PPP2R2C: variants seen among roughly 807,000 people sequenced by gnomAD.
PPP2R2C encodes the protein protein phosphatase 2 regulatory subunit Bgamma.
PPP2R2C carries 10 observed loss-of-function variants against 45.3 expected under a neutral mutation model. The ratio of observed to expected loss-of-function variants is 0.22; its 90% CI spans 0.14 to 0.37. PPP2R2C has a LOEUF of 0.37. Ranked by LOEUF, PPP2R2C falls within the 10% of genes least tolerant of loss-of-function variation. The pLI, the probability that PPP2R2C is intolerant of heterozygous loss-of-function variation, is 1.00. For missense variants in PPP2R2C, 308 were observed against 619.7 expected (o/e 0.50, Z 5.34); for synonymous variants, 257 against 245.4 (o/e 1.05, Z -0.44).
chr4:6,398,932 C>T (rs1577147008), intron 1 of PPP2R2C, among the ~76,000 whole-genome samples: 1 of 152,330 alleles, frequency 6.6e-6, no homozygotes, highest in Non-Finnish European at 1.5e-5. Context: ...ATCATTGACA[C>T]ACACAGCAAC....
At chr4:6,357,266 C>T (rs554162702) in intron 5 of PPP2R2C, among the ~76,000 whole-genome samples, 1 of 152,380 alleles carries the variant, frequency 6.6e-6, no homozygotes, top group Admixed American at 6.5e-5. Flanking sequence ...GAGGGGCTGT[C>T]AGGTCCCTGG....
At chr4:6,476,233 G>GA (rs1478841782), upstream of PPP2R2C, among the ~76,000 whole-genome samples, 2 of 152,200 alleles carry the variant, frequency 1.3e-5, no homozygotes, top group African/African-American at 4.8e-5. Flanking sequence ...ACCAAGTCAG[G>GA]AAAGGGCGCT....
At chr4:6,429,442 T>C (rs1264094835) in intron 1 of PPP2R2C, among the ~76,000 whole-genome samples, 1 of 152,144 alleles carries the variant, frequency 6.6e-6, no homozygotes, top group Non-Finnish European at 1.5e-5. Flanking sequence ...TTTTAAGACT[T>C]TGAAAAATAA....
intron 1 of PPP2R2C, among the ~76,000 whole-genome samples, chr4:6,447,992 T>C (rs1720523144): frequency 6.6e-6 from 1 of 152,088 alleles, no homozygotes; most frequent in Non-Finnish European, 1.5e-5. Context: ...CTGGGCCCTT[T>C]TTCAGGAAGC....
intron 1 of PPP2R2C, among the ~76,000 whole-genome samples, chr4:6,441,045 A>G (rs1032174062): frequency 1.3e-5 from 2 of 152,130 alleles, no homozygotes; most frequent in African/African-American, 4.8e-5. Context: ...TATTTATACC[A>G]CTGCACCTGT....
rs936023764 is a variant in PPP2R2C, at chr4:6,331,173, C to T, written c.961-1820G>A. ...AGCTCCCAGCAGCCTTGGTGATGCA[C>T]GCGTCCAAATGCGCATGCTGTTCTC... On this transcript the variant is annotated intron_variant, in intron 7 of 8. Coordinates refer to ENST00000382599, the MANE Select transcript of PPP2R2C (RefSeq NM_020416.4). The surrounding 1 kb of genome is among the most constrained non-coding windows in gnomAD (Gnocchi z 5.9). Among the ~76,000 whole-genome samples, 2 of 152,188 alleles carry T rather than the reference C, an allele frequency of 1.3e-5. No homozygotes were observed. Among genetic ancestry groups the T allele is most frequent in the Admixed American group, 6.5e-5 (1 of 15,280 alleles).
At chr4:6,473,092 A>G (rs1211629203), upstream of PPP2R2C, among the ~76,000 whole-genome samples, 3 of 152,056 alleles carry the variant, frequency 2.0e-5, no homozygotes, top group Non-Finnish European at 4.4e-5. Flanking sequence ...CATTAAGTAC[A>G]TGTGAAGAAG....
intron 1 of PPP2R2C, among the ~76,000 whole-genome samples, chr4:6,537,842 G>T (rs953881599): frequency 6.6e-6 from 1 of 152,046 alleles, no homozygotes; most frequent in East Asian, 1.9e-4. Flanking sequence ...GAGCCACCAC[G>T]CCCGGCCAAA....
chr4:6,412,481 G>A (rs1408277456), intron 1 of PPP2R2C, among the ~76,000 whole-genome samples: 1 of 152,222 alleles, frequency 6.6e-6, no homozygotes. Flanking sequence ...CAGGCATGTA[G>A]ATGCCAGCTG....
chr4:6,512,065 A>G (rs796188986), intron 2 of PPP2R2C, among the ~76,000 whole-genome samples: 17 of 14,262 alleles, frequency 1.2e-3, no homozygotes, highest in South Asian at 3.5e-3. Flanking sequence ...GATGGTGGTG[A>G]TGGTGGTGAT....
chr4:6,388,217 C>A (rs1242941658), intron 1 of PPP2R2C, among the ~76,000 whole-genome samples: 1 of 152,190 alleles, frequency 6.6e-6, no homozygotes, highest in Non-Finnish European at 1.5e-5. Context: ...AGCCACTGAA[C>A]AAGGAGGCCT....
chr4:6,360,410 GAA>G (rs779517130), intron 5 of PPP2R2C, among the ~76,000 whole-genome samples: 8 of 152,214 alleles, frequency 5.3e-5, no homozygotes, highest in Non-Finnish European at 7.3e-5. Context: ...GGATCCATGA[GAA>G]AGAGGGCTGC....
chr4:6,360,881 C>A (rs928739411), intron 5 of PPP2R2C, among the ~76,000 whole-genome samples: 1 of 152,322 alleles, frequency 6.6e-6, no homozygotes, highest in Admixed American at 6.5e-5. Context: ...GTCTCCTCGG[C>A]TTGAAGGTGA....
In PPP2R2C at chr4:6,320,844, T is replaced by C. The variant is rs991488158; in HGVS notation, c.*2458A>G. 7.0e-6 allele frequency: 1 copy of C among 143,062 alleles called. No individual in the cohort carries two copies. The highest frequency in any genetic ancestry group is 2.6e-5 in the African/African-American group (1 of 38,676). 8.9% of individuals were successfully genotyped at this position (143,062 alleles called of 1,614,324 possible). On this transcript the variant is annotated 3_prime_UTR_variant, in exon 9 of 9. Transcript: ENST00000382599. ...CAAAAAAACCCCAACAACTTCACAATGACTATGTGAACGCCCGTACATTCG... is the reference window on the plus strand; with the variant it reads ...CAAAAAAACCCCAACAACTTCACAACGACTATGTGAACGCCCGTACATTCG...
At chr4:6,512,228 T>C (rs1723619223) in intron 2 of PPP2R2C, among the ~76,000 whole-genome samples, 1 of 100,326 alleles carries the variant, frequency 1.0e-5, no homozygotes. Flanking sequence ...GTGTTGGTGG[T>C]GGTGATGGTG....
At chr4:6,382,737 C>T in intron 1 of PPP2R2C, 1 of 555,746 alleles carries the variant, frequency 1.8e-6, no homozygotes. Context: ...ATCCTGCCTG[C>T]TCAGCCTTCA....
intron 4 of PPP2R2C, 44 bp from the exon 5 acceptor site, chr4:6,372,744 T>C: frequency 6.3e-7 from 1 of 1,589,500 alleles, no homozygotes; most frequent in East Asian, 2.2e-5. Context: ...GGCCAGGTGG[T>C]GGCATCAGGA....
rs1560507107 is a variant in PPP2R2C, at chr4:6,389,302, C to T, written c.71-8208G>A. 3.3e-5 allele frequency among the ~76,000 whole-genome samples: 5 copies of T among 152,332 alleles called. No individual in the cohort carries two copies. The East Asian group carries it at 5.8e-4, about 18-fold the overall frequency. On this transcript the variant is annotated intron_variant, in intron 1 of 8. Coordinates refer to ENST00000382599, the MANE Select transcript of PPP2R2C (RefSeq NM_020416.4). ...GTCACGGACTTCCTCCCCAGCACGT[C>T]GGGGGACTTGCTCCCCTCGTCCATC...
At chr4:6,468,757 T>C (rs1337504491) in intron 1 of PPP2R2C, among the ~76,000 whole-genome samples, 1 of 152,114 alleles carries the variant, frequency 6.6e-6, no homozygotes, top group African/African-American at 2.4e-5. Flanking sequence ...CAGTCTAGTC[T>C]GGAAGTGCTT....
Sources: gnomAD v4.1 joint callset for allele counts (sites outside exome capture counted in the v4.1 genomes callset) on GRCh38, gnomAD v4.1.1 for gene constraint, Gnocchi (gnomAD v3.1) non-coding constraint, MANE v1.5 for transcripts, NCBI Gene and HGNC (gene_info 2026-07-23, HGNC 2026-07-21) for gene names.